The following GRM7 variants were observed in gnomAD, a reference collection of about 807,000 sequenced individuals.
GRM7 encodes the protein glutamate metabotropic receptor 7.
In GRM7, 35 loss-of-function variants were observed where a neutral mutation model predicts 84.5. The ratio of observed to expected loss-of-function variants is 0.41; its 90% CI spans 0.32 to 0.55. The LOEUF is 0.55. GRM7 is among the 20% of genes least tolerant of loss of function. GRM7 has a pLI of 0.19. For missense variants in GRM7, 1,003 were observed against 1,194.6 expected, an observed-to-expected ratio of 0.84 and a Z score of 2.36; for synonymous variants, 487 against 455.1, an observed-to-expected ratio of 1.07 and a Z score of -0.89.
intron 8 of GRM7, among the ~76,000 whole-genome samples, chr3:7,673,244 C>A (rs1265854797): frequency 6.6e-6 from 1 of 152,134 alleles, no homozygotes; most frequent in East Asian, 1.9e-4. Flanking sequence ...TAATAGACTA[C>A]AAATAATAGC....
At chr3:7,373,094 T>C (rs144792663) in intron 4 of GRM7, among the ~76,000 whole-genome samples, 253 of 152,258 alleles carry the variant, frequency 1.7e-3, no homozygotes, top group African/African-American at 5.8e-3. Context: ...TTTTATTCTC[T>C]TTCAAGGACA....
intron 1 of GRM7, among the ~76,000 whole-genome samples, chr3:6,875,708 T>C (rs938025437): frequency 3.3e-5 from 5 of 152,232 alleles, no homozygotes; most frequent in Admixed American, 1.3e-4. Flanking sequence ...GATTATGTCG[T>C]TGACTTATCC....
intron 1 of GRM7, among the ~76,000 whole-genome samples, chr3:6,994,193 A>G (rs544300463): frequency 1.3e-5 from 2 of 152,334 alleles, no homozygotes; most frequent in African/African-American, 4.8e-5. Flanking sequence ...AATATTTCTA[A>G]AAAGAATCAG....
intron 1 of GRM7, among the ~76,000 whole-genome samples, chr3:6,949,643 CAG>C (rs1403774192): frequency 6.6e-6 from 1 of 151,834 alleles, no homozygotes; most frequent in Non-Finnish European, 1.5e-5. Context: ...TAATATCCTG[CAG>C]AGTGTTTTCC....
At chr3:7,201,454 C>T (rs888720061) in intron 2 of GRM7, among the ~76,000 whole-genome samples, 1 of 151,910 alleles carries the variant, frequency 6.6e-6, no homozygotes, top group Non-Finnish European at 1.5e-5. Context: ...GTGCTGTTTT[C>T]TTCCTGGGTC....
chr3:7,220,385 T>C (rs1328661295), intron 2 of GRM7, among the ~76,000 whole-genome samples: 1 of 152,178 alleles, frequency 6.6e-6, no homozygotes, highest in African/African-American at 2.4e-5. Context: ...TCTATTCTCC[T>C]CAAAATGCCA....
intron 4 of GRM7, among the ~76,000 whole-genome samples, chr3:7,370,941 A>G (rs1694105619): frequency 6.6e-6 from 1 of 152,288 alleles, no homozygotes; most frequent in Non-Finnish European, 1.5e-5. Flanking sequence ...CTATGCTTAC[A>G]TTTCCTCAAG....
intron 7 of GRM7, among the ~76,000 whole-genome samples, chr3:7,513,089 T>C (rs1003921191): frequency 1.3e-5 from 2 of 152,186 alleles, no homozygotes; most frequent in Admixed American, 6.5e-5. Flanking sequence ...CTTAGGAGTA[T>C]TGCAGGACAG....
At chr3:7,030,549 C>G (rs1295637010) in intron 1 of GRM7, among the ~76,000 whole-genome samples, 4 of 152,096 alleles carry the variant, frequency 2.6e-5, no homozygotes, top group Non-Finnish European at 5.9e-5. Flanking sequence ...GCAACAATAT[C>G]TATATGTATA....
intron 5 of GRM7, among the ~76,000 whole-genome samples, chr3:7,428,774 A>G (rs550656190): frequency 2.5e-4 from 38 of 152,346 alleles, no homozygotes; most frequent in African/African-American, 8.9e-4. Flanking sequence ...CCCCAGAATA[A>G]TAATAAGAAA....
At chr3:7,249,542 T>C (rs767411438) in intron 2 of GRM7, among the ~76,000 whole-genome samples, 5 of 152,180 alleles carry the variant, frequency 3.3e-5, no homozygotes, top group African/African-American at 9.7e-5. Context: ...TGAAAATTCA[T>C]ATAGTTTAAC....
intron 4 of GRM7, among the ~76,000 whole-genome samples, chr3:7,354,884 C>A (rs1693322958): frequency 5.3e-5 from 8 of 152,200 alleles, no homozygotes; most frequent in Admixed American, 4.6e-4. Flanking sequence ...GCAAGGCCAG[C>A]AATATGCTTT....
At chr3:7,686,057 A>G (rs889425473) in intron 9 of GRM7, among the ~76,000 whole-genome samples, 1 of 152,182 alleles carries the variant, frequency 6.6e-6, no homozygotes, top group African/African-American at 2.4e-5. Context: ...TGGCAAGAAG[A>G]AGAAAATAAT....
chr3:7,242,250 G>A (rs559684611), intron 2 of GRM7, among the ~76,000 whole-genome samples: 8 of 152,276 alleles, frequency 5.3e-5, no homozygotes, highest in East Asian at 1.9e-4. Flanking sequence ...CCAGGGAGCC[G>A]ATGGATTCAT....
intron 2 of GRM7, among the ~76,000 whole-genome samples, chr3:7,189,039 C>A (rs974530597): frequency 1.3e-5 from 2 of 152,126 alleles, no homozygotes; most frequent in African/African-American, 4.8e-5. Flanking sequence ...GCCACCAGCT[C>A]TACGCAAGCC....
At chr3:7,594,434 G>A (rs1258638686) in intron 8 of GRM7, among the ~76,000 whole-genome samples, 3 of 152,144 alleles carry the variant, frequency 2.0e-5, no homozygotes, top group Non-Finnish European at 4.4e-5. Flanking sequence ...AGTCTGCTAG[G>A]TACTAGGGAT....
At chr3:7,559,077 G>C (rs1559402181) in intron 7 of GRM7, 1 of 151,180 alleles carries the variant, frequency 6.6e-6, no homozygotes, top group Non-Finnish European at 1.5e-5. Context: ...AAATATGCAG[G>C]TTGGCAAGAA....
chr3:7,114,932 C>A (rs1463543439), intron 1 of GRM7, among the ~76,000 whole-genome samples: 1 of 152,126 alleles, frequency 6.6e-6, no homozygotes, highest in Non-Finnish European at 1.5e-5. Flanking sequence ...CATGCTATCA[C>A]CCCTTGCTCC....
chr3:7,027,388 A>G (rs1696021148), intron 1 of GRM7, among the ~76,000 whole-genome samples: 1 of 152,244 alleles, frequency 6.6e-6, no homozygotes, highest in Non-Finnish European at 1.5e-5. Flanking sequence ...ACAATTGGCT[A>G]AAACTGAGCA....
Sources: allele counts gnomAD v4.1 joint callset (sites outside exome capture counted in the v4.1 genomes callset), GRCh38; gene constraint gnomAD v4.1.1; transcripts MANE v1.5; gene names NCBI Gene and HGNC (gene_info 2026-07-23, HGNC 2026-07-21).